The following L3MBTL4 variants were observed in gnomAD, a reference collection of about 807,000 sequenced individuals.
L3MBTL4 encodes the protein L3MBTL histone methyl-lysine binding protein 4.
Under a neutral mutation model 84.5 loss-of-function variants are expected in L3MBTL4, and 70 were observed. The ratio of observed to expected loss-of-function variants is 0.83; its 90% CI spans 0.68 to 1.01. The LOEUF (loss-of-function observed/expected upper bound fraction) is 1.01. L3MBTL4 is among the 50% of genes least tolerant of loss of function. L3MBTL4 has a pLI of 0.00. For missense variants in L3MBTL4, 715 were observed against 754.8 expected (o/e 0.95, Z 0.62); for synonymous variants, 274 against 259.8 (o/e 1.05, Z -0.52).
intron 16 of L3MBTL4, among the ~76,000 whole-genome samples, chr18:5,980,428 C>G (rs4798422): frequency 8.6e-5 from 11 of 128,130 alleles, no homozygotes; most frequent in African/African-American, 2.9e-4. Flanking sequence ...AATTAGTTTG[C>G]GCTTTTTTTT....
At chr18:6,385,035 A>G (rs1210900494) in intron 1 of L3MBTL4, among the ~76,000 whole-genome samples, 2 of 152,174 alleles carry the variant, frequency 1.3e-5, no homozygotes, top group African/African-American at 4.8e-5. Context: ...AGAAATTTGG[A>G]TACGGAAGGG....
chr18:6,367,050 C>T (rs1256646257), intron 1 of L3MBTL4, among the ~76,000 whole-genome samples: 1 of 152,190 alleles, frequency 6.6e-6, no homozygotes, highest in African/African-American at 2.4e-5. Flanking sequence ...AAGGCAAGGC[C>T]AGGAGGGGGG....
At chr18:6,205,201 T>C (rs955592502) in intron 12 of L3MBTL4, among the ~76,000 whole-genome samples, 1 of 152,126 alleles carries the variant, frequency 6.6e-6, no homozygotes, top group African/African-American at 2.4e-5. Context: ...AGGCAGAGGT[T>C]TGAAGGTGCT....
intron 13 of L3MBTL4, among the ~76,000 whole-genome samples, chr18:6,148,219 T>A (rs1177485130): frequency 6.6e-6 from 1 of 152,224 alleles, no homozygotes; most frequent in Non-Finnish European, 1.5e-5. Context: ...AAATGTCACA[T>A]TAGTATTTTA....
At chr18:6,119,791 T>C (rs9959790) in intron 14 of L3MBTL4, among the ~76,000 whole-genome samples, 50,488 of 151,936 alleles carry the variant, frequency 0.33, 8,826 homozygotes, top group East Asian at 0.53. Flanking sequence ...TGTTGTCTCA[T>C]AGAAAGAAAA....
chr18:6,316,733 G>A (rs538237948), intron 1 of L3MBTL4, among the ~76,000 whole-genome samples: 8 of 152,258 alleles, frequency 5.3e-5, no homozygotes, highest in African/African-American at 1.9e-4. Context: ...GGAACATTGG[G>A]TCAGGAGTGC....
chr18:6,227,074 G>A (rs1278027391), intron 10 of L3MBTL4, among the ~76,000 whole-genome samples: 1 of 152,062 alleles, frequency 6.6e-6, no homozygotes, highest in Non-Finnish European at 1.5e-5. Context: ...AAATAAAGGG[G>A]ACAATTCTTT....
At chr18:6,301,864 T>C (rs1599549837) in intron 4 of L3MBTL4, 39 bp downstream of exon 4, 3 of 1,476,006 alleles carry the variant, frequency 2.0e-6, no homozygotes, top group Non-Finnish European at 2.8e-6. Flanking sequence ...TAAAATTTGT[T>C]CACTGTGAAC....
chr18:6,138,434 C>T (rs973243286), intron 13 of L3MBTL4, 138 bp from the exon 14 acceptor site: 83 of 564,244 alleles, frequency 1.5e-4, no homozygotes, highest in Non-Finnish European at 2.3e-4. Context: ...AGGTGACTTA[C>T]GATGTATTAT....
intron 16 of L3MBTL4, among the ~76,000 whole-genome samples, chr18:6,003,603 T>C (rs537454888): frequency 6.6e-6 from 1 of 152,186 alleles, no homozygotes; most frequent in Non-Finnish European, 1.5e-5. Context: ...TATATATTAT[T>C]CTCAATTGCA....
intron 3 of L3MBTL4, 88 bp from the exon 4 acceptor site, chr18:6,302,045 A>G (rs905754176): frequency 1.8e-6 from 2 of 1,087,510 alleles, no homozygotes; most frequent in African/African-American, 1.5e-5. Flanking sequence ...CAGGAAGGAA[A>G]GTTATGAAGA....
At chr18:6,246,241 AT>A (rs1392671194) in intron 5 of L3MBTL4, among the ~76,000 whole-genome samples, 1 of 152,110 alleles carries the variant, frequency 6.6e-6, no homozygotes, top group African/African-American at 2.4e-5. Flanking sequence ...TCTCTCTCCC[AT>A]TTGATCTAAT....
At chr18:6,353,032 G>T (rs750575476) in intron 1 of L3MBTL4, among the ~76,000 whole-genome samples, 7 of 152,100 alleles carry the variant, frequency 4.6e-5, no homozygotes, top group Non-Finnish European at 1.0e-4. Context: ...CTAAACATAT[G>T]TAAATTATAA....
intron 1 of L3MBTL4, among the ~76,000 whole-genome samples, chr18:6,408,685 T>G (rs1373844653): frequency 6.7e-6 from 1 of 149,180 alleles, no homozygotes; most frequent in East Asian, 1.9e-4. Context: ...TTCTTCTTCT[T>G]CTTTTTTTTT....
chr18:6,274,880 A>T (rs893639049), intron 4 of L3MBTL4, among the ~76,000 whole-genome samples: 3 of 152,194 alleles, frequency 2.0e-5, no homozygotes, highest in East Asian at 1.9e-4. Flanking sequence ...TCTGAATGAG[A>T]CGTGAAAAAA....
At chr18:6,366,792 A>C (rs1417825710) in intron 1 of L3MBTL4, among the ~76,000 whole-genome samples, 1 of 152,250 alleles carries the variant, frequency 6.6e-6, no homozygotes, top group African/African-American at 2.4e-5. Flanking sequence ...AAAATGCCAG[A>C]CTTTCTCTCA....
At chr18:6,007,953 T>C (rs1279222201) in intron 16 of L3MBTL4, among the ~76,000 whole-genome samples, 1 of 152,184 alleles carries the variant, frequency 6.6e-6, no homozygotes, top group Non-Finnish European at 1.5e-5. Context: ...CTAAAGAAAC[T>C]CAAGGATACA....
intron 3 of L3MBTL4, among the ~76,000 whole-genome samples, chr18:6,310,597 C>T (rs1172045400): frequency 3.3e-5 from 5 of 152,120 alleles, no homozygotes; most frequent in Non-Finnish European, 7.3e-5. Context: ...AAATGTATAA[C>T]CACAAACCAC....
chr18:6,363,277 A>G (rs1189488477), intron 1 of L3MBTL4, among the ~76,000 whole-genome samples: 3 of 152,050 alleles, frequency 2.0e-5, no homozygotes, highest in Admixed American at 2.0e-4. Flanking sequence ...CCAGGTATGA[A>G]CCGTCCAGGG....
Sources: allele counts gnomAD v4.1 joint callset (sites outside exome capture counted in the v4.1 genomes callset), GRCh38; gene constraint gnomAD v4.1.1; transcripts MANE v1.5; gene names NCBI Gene and HGNC (gene_info 2026-07-23, HGNC 2026-07-21).